The following ATRNL1 variants were observed in gnomAD, a reference collection of about 807,000 sequenced individuals.
The protein encoded by ATRNL1 is attractin like 1.
ATRNL1 carries 95 observed loss-of-function variants against 182.7 expected under a neutral mutation model. The observed-to-expected ratio is 0.52, with a 90% CI of 0.44 to 0.62. ATRNL1 has a LOEUF of 0.62. ATRNL1 is among the 20% of genes least tolerant of loss of function. The probability of loss-of-function intolerance (pLI) is 0.00; values close to 1 mark genes in which losing one functional copy is unlikely to be tolerated. For synonymous variants in ATRNL1, 576 were observed against 568.3 expected, an observed-to-expected ratio of 1.01 and a Z score of -0.19; for missense variants, 1,471 against 1,679.5, an observed-to-expected ratio of 0.88 and a Z score of 2.17.
chr10:115,544,021 C>T (rs960083898), intron 25 of ATRNL1, among the ~76,000 whole-genome samples: 1 of 151,814 alleles, frequency 6.6e-6, no homozygotes, highest in Admixed American at 6.6e-5. Context: ...AAAAGAAAGC[C>T]CAATTATTCC....
chr10:115,129,080 G>A (rs189153232), intron 4 of ATRNL1, among the ~76,000 whole-genome samples: 11 of 152,236 alleles, frequency 7.2e-5, no homozygotes, highest in East Asian at 1.9e-4. Flanking sequence ...GCATGTAGTC[G>A]TTAGACATTT....
intron 26 of ATRNL1, among the ~76,000 whole-genome samples, chr10:115,642,094 A>G (rs1281218951): frequency 6.6e-6 from 1 of 152,110 alleles, no homozygotes; most frequent in Non-Finnish European, 1.5e-5. Flanking sequence ...CTAATATTTT[A>G]AATTACATCG....
intron 21 of ATRNL1, among the ~76,000 whole-genome samples, chr10:115,449,140 G>A (rs1430589266): frequency 6.6e-6 from 1 of 152,128 alleles, no homozygotes; most frequent in Non-Finnish European, 1.5e-5. Context: ...ATTTCTGCTC[G>A]AATGTTGCCT....
At chr10:115,239,502 G>T (rs1441557175) in intron 9 of ATRNL1, among the ~76,000 whole-genome samples, 2 of 152,078 alleles carry the variant, frequency 1.3e-5, no homozygotes, top group African/African-American at 4.8e-5. Flanking sequence ...AAAGTGCTGG[G>T]ATTACAGGCA....
At chr10:115,716,568 G>C (rs1947259088) in intron 26 of ATRNL1, among the ~76,000 whole-genome samples, 1 of 152,096 alleles carries the variant, frequency 6.6e-6, no homozygotes. Flanking sequence ...TGAATCATTA[G>C]CTTTGCATTA....
chr10:115,824,496 A>T lies in ATRNL1; in HGVS notation c.3904-23381A>T, dbSNP rs193057135. ...TATCATCAGAGTGAACAGGCAACCT[A>T]CAAAAATGGGAGAAAATTTTTGCAA... On this transcript the variant is annotated intron_variant, in intron 27 of 28. Coordinates refer to ENST00000355044, the MANE Select transcript of ATRNL1 (RefSeq NM_207303.4). Among the ~76,000 whole-genome samples the T allele has an allele frequency of 3.3e-5, 5 of 152,322 alleles. No homozygotes were observed. In the East Asian group the frequency reaches 7.7e-4, roughly 24 times the overall value.
Position 115,179,750 on chromosome 10 carries a change from G to A in ATRNL1, c.1348+8458G>A, listed in dbSNP as rs564864736. On this transcript the variant is annotated intron_variant, in intron 8 of 28. Coordinates refer to ENST00000355044, the MANE Select transcript of ATRNL1 (RefSeq NM_207303.4). ...TTAGTGGATAAAAATGTTGGCAGAA[G>A]TATAAACATTTCAGAATAGCATGGA... Among the ~76,000 whole-genome samples, 3 of 152,194 alleles carry A rather than the reference G, an allele frequency of 2.0e-5. No homozygotes were observed. The East Asian group carries it at 5.8e-4, about 29-fold the overall frequency.
chr10:115,258,541 C>T (rs1851256890), intron 10 of ATRNL1, among the ~76,000 whole-genome samples: 2 of 151,976 alleles, frequency 1.3e-5, no homozygotes, highest in South Asian at 4.2e-4. Context: ...TTTTTAGCTT[C>T]CTTGCAATGG....
At chr10:115,255,745 GC>G (rs1406171691) in intron 10 of ATRNL1, among the ~76,000 whole-genome samples, 1 of 152,134 alleles carries the variant, frequency 6.6e-6, no homozygotes, top group Non-Finnish European at 1.5e-5. Flanking sequence ...TCCAGGTTTT[GC>G]CCATTCAGTA....
chr10:115,816,125 C>G (rs1555088485), intron 27 of ATRNL1, among the ~76,000 whole-genome samples: 1 of 152,168 alleles, frequency 6.6e-6, no homozygotes, highest in Non-Finnish European at 1.5e-5. Flanking sequence ...CACTGAAATT[C>G]AGCAAGTGCA....
chr10:115,939,341 G>A (rs1953656666), intron 28 of ATRNL1, among the ~76,000 whole-genome samples: 1 of 152,154 alleles, frequency 6.6e-6, no homozygotes, highest in African/African-American at 2.4e-5. Context: ...AAAACACCAA[G>A]AGACCATGGA....
chr10:115,730,283 G>C (rs1208285720), intron 27 of ATRNL1, among the ~76,000 whole-genome samples: 1 of 112,134 alleles, frequency 8.9e-6, no homozygotes, highest in Non-Finnish European at 1.9e-5. Flanking sequence ...AAAAAAAAAA[G>C]AGAGAGAGAG....
intron 26 of ATRNL1, among the ~76,000 whole-genome samples, chr10:115,716,095 A>G (rs1296549267): frequency 3.3e-5 from 5 of 152,180 alleles, no homozygotes; most frequent in African/African-American, 4.8e-5. Context: ...TTTTTAAAAA[A>G]CATCATGTCT....
intron 26 of ATRNL1, among the ~76,000 whole-genome samples, chr10:115,683,467 T>A (rs1476324760): frequency 6.6e-6 from 1 of 150,444 alleles, no homozygotes; most frequent in Non-Finnish European, 1.5e-5. Context: ...GAAGATCCTC[T>A]TAGATAATGA....
chr10:115,430,512 CTTTTA>C (rs1281682040), intron 21 of ATRNL1, among the ~76,000 whole-genome samples: 1 of 151,720 alleles, frequency 6.6e-6, no homozygotes, highest in African/African-American at 2.4e-5. Context: ...TATTTTTTAA[CTTTTA>C]TTTTAGGCTC....
chr10:115,722,783 C>T (rs781794184), intron 26 of ATRNL1, among the ~76,000 whole-genome samples: 5 of 151,752 alleles, frequency 3.3e-5, no homozygotes, highest in Admixed American at 6.6e-5. Context: ...TGCAGTATTG[C>T]CATAAGCTAG....
At chr10:115,177,011 T>C (rs774810726) in intron 8 of ATRNL1, among the ~76,000 whole-genome samples, 5 of 151,704 alleles carry the variant, frequency 3.3e-5, no homozygotes, top group Non-Finnish European at 5.9e-5. Context: ...TGGGTGTAGA[T>C]AAAAAGGAGA....
chr10:115,322,434 C>G (rs1854631152), intron 18 of ATRNL1, among the ~76,000 whole-genome samples: 1 of 151,676 alleles, frequency 6.6e-6, no homozygotes, highest in Non-Finnish European at 1.5e-5. Flanking sequence ...CTATTTTGTG[C>G]TTTTATTGGC....
chr10:115,811,090 T>C (rs544212973), intron 27 of ATRNL1, among the ~76,000 whole-genome samples: 1 of 152,054 alleles, frequency 6.6e-6, no homozygotes, highest in East Asian at 1.9e-4. Context: ...TAGAGACATT[T>C]TTTCTTTCTT....
Sources: gnomAD v4.1 joint callset for allele counts (sites outside exome capture counted in the v4.1 genomes callset) on GRCh38, gnomAD v4.1.1 for gene constraint, MANE v1.5 for transcripts, NCBI Gene and HGNC (gene_info 2026-07-23, HGNC 2026-07-21) for gene names.